The following MAN1A2 variants were observed in gnomAD, a reference collection of about 807,000 sequenced individuals.
MAN1A2 encodes the protein mannosyl-oligosaccharide 1,2-alpha-mannosidase IB.
MAN1A2 carries 26 observed loss-of-function variants against 75.7 expected under a neutral mutation model. The ratio of observed to expected loss-of-function variants is 0.34; its 90% CI spans 0.25 to 0.48. The LOEUF (loss-of-function observed/expected upper bound fraction) is 0.48, where lower values mean the gene tolerates loss of function less well. Ranked by LOEUF, MAN1A2 falls within the 20% of genes least tolerant of loss-of-function variation. The pLI is 0.99. For synonymous variants in MAN1A2, 247 were observed against 264.6 expected (o/e 0.93, Z 0.65); for missense variants, 562 against 775.5 (o/e 0.72, Z 3.27).
intron 7 of MAN1A2, among the ~76,000 whole-genome samples, chr1:117,461,153 A>G (rs1446028133): frequency 6.6e-6 from 1 of 152,202 alleles, no homozygotes; most frequent in Non-Finnish European, 1.5e-5. Context: ...TAATAGAACA[A>G]AAGTATATAT....
chr1:117,376,252 A>G (rs569465121), intron 1 of MAN1A2, among the ~76,000 whole-genome samples: 84 of 152,322 alleles, frequency 5.5e-4, no homozygotes, highest in African/African-American at 2.0e-3. Context: ...GTTATCTGGT[A>G]TAAGGAAGAT....
intron 5 of MAN1A2, among the ~76,000 whole-genome samples, chr1:117,425,917 T>C (rs954064405): frequency 6.6e-6 from 1 of 152,188 alleles, no homozygotes; most frequent in Admixed American, 6.5e-5. Context: ...GGTCTTTTCT[T>C]TTTGCAGGTT....
At chr1:117,442,400 AC>A in intron 6 of MAN1A2, 75 bp downstream of exon 6, 1 of 904,716 alleles carries the variant, frequency 1.1e-6, no homozygotes, top group Non-Finnish European at 1.8e-6. Context: ...CTAATGAGTC[AC>A]CCCCACATTT....
chr1:117,441,611 T>C (rs1449871280), intron 5 of MAN1A2, among the ~76,000 whole-genome samples: 1 of 152,120 alleles, frequency 6.6e-6, no homozygotes, highest in African/African-American at 2.4e-5. Flanking sequence ...TAATACTACA[T>C]GCTAAGAAAA....
At chr1:117,416,862 C>A (rs1648010212) in intron 4 of MAN1A2, among the ~76,000 whole-genome samples, 2 of 152,118 alleles carry the variant, frequency 1.3e-5, no homozygotes, top group Admixed American at 6.5e-5. Flanking sequence ...GAGGAGACAC[C>A]TAGCCAAGTG....
intron 1 of MAN1A2, among the ~76,000 whole-genome samples, chr1:117,376,575 C>G (rs1473997840): frequency 6.6e-6 from 1 of 152,222 alleles, no homozygotes. Flanking sequence ...CTCCTCAGAC[C>G]TCAGTTACAG....
At chr1:117,432,036 T>C (rs1286101354) in intron 5 of MAN1A2, among the ~76,000 whole-genome samples, 3 of 152,188 alleles carry the variant, frequency 2.0e-5, no homozygotes, top group Non-Finnish European at 4.4e-5. Context: ...CTTCAAATAT[T>C]TGAAAATTAA....
chr1:117,397,645 C>CTTTTTTT (rs34594031), intron 1 of MAN1A2, among the ~76,000 whole-genome samples: 1 of 105,880 alleles, frequency 9.4e-6, no homozygotes, highest in Non-Finnish European at 1.8e-5. Flanking sequence ...TTATAACCCC[C>CTTTTTTT]TTTTTTTTTT....
intron 12 of MAN1A2, among the ~76,000 whole-genome samples, chr1:117,517,453 C>T (rs932686465): frequency 6.6e-6 from 1 of 151,970 alleles, no homozygotes; most frequent in African/African-American, 2.4e-5. Flanking sequence ...TATAAAAACC[C>T]AAATCAAATT....
rs759656863 is a variant in MAN1A2, at chr1:117,526,841, C to CCTCTCTCTCTCT, written c.*3913_*3924dup. The CCTCTCTCTCTCT allele has an allele frequency of 2.5e-3, 167 of 66,070 alleles. 1 individual carries two copies. Among genetic ancestry groups the CCTCTCTCTCTCT allele is most frequent in the Non-Finnish European group, 3.3e-3 (122 of 37,526 alleles). 4.1% of individuals were successfully genotyped at this position (66,070 alleles called of 1,614,324 possible). A position where few individuals can be genotyped will look rare whatever the true frequency, so the allele number is the denominator to read the frequency against. ...TCAAATTGGCTAGGTCCTATCTTTT[C>CCTCTCTCTCTCT]CTCTCTCTCTCTCTCTCTCTCTCTC... On this transcript the variant is annotated 3_prime_UTR_variant, in exon 13 of 13. Transcript: ENST00000356554.
intron 1 of MAN1A2, among the ~76,000 whole-genome samples, chr1:117,384,958 T>G (rs1230902595): frequency 6.6e-6 from 1 of 152,042 alleles, no homozygotes; most frequent in Non-Finnish European, 1.5e-5. Flanking sequence ...ACGACGGAAT[T>G]TGGAATTATA....
intron 12 of MAN1A2, among the ~76,000 whole-genome samples, chr1:117,517,452 C>G (rs1651745805): frequency 6.6e-6 from 1 of 151,968 alleles, no homozygotes; most frequent in African/African-American, 2.4e-5. Context: ...ATATAAAAAC[C>G]CAAATCAAAT....
chr1:117,428,614 A>T (rs899855820), intron 5 of MAN1A2, among the ~76,000 whole-genome samples: 4 of 152,074 alleles, frequency 2.6e-5, no homozygotes, highest in African/African-American at 9.7e-5. Context: ...GCAAGACCAA[A>T]CTATTCACAG....
intron 5 of MAN1A2, among the ~76,000 whole-genome samples, chr1:117,426,935 C>A (rs1306755478): frequency 6.6e-6 from 1 of 152,058 alleles, no homozygotes; most frequent in Non-Finnish European, 1.5e-5. Context: ...AGCCCCCTGC[C>A]CCACTTCTGG....
intron 6 of MAN1A2, among the ~76,000 whole-genome samples, chr1:117,446,100 T>C (rs891101788): frequency 6.6e-6 from 1 of 151,324 alleles, no homozygotes; most frequent in Admixed American, 6.6e-5. Flanking sequence ...GTTACTTTGT[T>C]TTACCTTTCA....
chr1:117,475,439 C>T (rs1445748356), intron 8 of MAN1A2, among the ~76,000 whole-genome samples: 2 of 151,686 alleles, frequency 1.3e-5, no homozygotes, highest in African/African-American at 4.8e-5. Context: ...TAGGTATACA[C>T]GTGCCATGGT....
rs1557985583 is a variant in MAN1A2, at chr1:117,526,862, CTCTCTCTCTCTCTCTCTCTATATA to C, written c.*3907_*3930del. 1.0e-5 allele frequency: 1 copy of C among 95,346 alleles called. No homozygotes were observed. Among genetic ancestry groups the C allele is most frequent in the Non-Finnish European group, 2.1e-5 (1 of 46,882 alleles). 5.9% of individuals were successfully genotyped at this position (95,346 alleles called of 1,614,324 possible). On this transcript the variant is annotated 3_prime_UTR_variant, in exon 13 of 13. Transcript: ENST00000356554. ...TTTTCCTCTCTCTCTCTCTCTCTCT[CTCTCTCTCTCTCTCTCTCTATATA>C]TATATATATATATATATATATATGA...
chr1:117,399,059 A>G (rs572895242), intron 1 of MAN1A2, among the ~76,000 whole-genome samples: 2 of 152,318 alleles, frequency 1.3e-5, no homozygotes, highest in East Asian at 1.9e-4. Context: ...AAGGAGGACT[A>G]TGACTAAGTA....
chr1:117,521,440 A>G (rs1651867840), intron 12 of MAN1A2, among the ~76,000 whole-genome samples: 1 of 151,924 alleles, frequency 6.6e-6, no homozygotes, highest in African/African-American at 2.4e-5. Flanking sequence ...AACATCACTA[A>G]TGATCAGGGA....
Sources: allele counts gnomAD v4.1 joint callset (sites outside exome capture counted in the v4.1 genomes callset), GRCh38; gene constraint gnomAD v4.1.1; transcripts MANE v1.5; gene names NCBI Gene and HGNC (gene_info 2026-07-23, HGNC 2026-07-21).